The following EPC2 variants were observed in gnomAD, a reference collection of about 807,000 sequenced individuals.
EPC2 encodes enhancer of polycomb homolog 2.
In EPC2, 14 loss-of-function variants were observed where a neutral mutation model predicts 92.1. The observed-to-expected ratio is 0.15, with a 90% CI of 0.10 to 0.24. The LOEUF (loss-of-function observed/expected upper bound fraction) is 0.24. EPC2 is among the 10% of genes least tolerant of loss of function. EPC2 has a pLI of 1.00. For missense variants in EPC2, 755 were observed against 971.5 expected (o/e 0.78, Z 2.96); for synonymous variants, 340 against 334.7 (o/e 1.02, Z -0.17).
intron 6 of EPC2, among the ~76,000 whole-genome samples, chr2:148,764,028 A>C (rs142181733): frequency 2.0e-5 from 3 of 152,154 alleles, no homozygotes; most frequent in African/African-American, 2.4e-5. Flanking sequence ...TTACTTTGTC[A>C]TGTATCCCAC....
intron 3 of EPC2, among the ~76,000 whole-genome samples, chr2:148,751,546 G>A (rs527778392): frequency 2.6e-5 from 4 of 152,180 alleles, no homozygotes; most frequent in African/African-American, 9.6e-5. Flanking sequence ...GAGTTAGGGG[G>A]TCTCAGTATG....
At chr2:148,665,988 T>A (rs1681048371) in intron 1 of EPC2, among the ~76,000 whole-genome samples, 1 of 152,220 alleles carries the variant, frequency 6.6e-6, no homozygotes, top group Non-Finnish European at 1.5e-5. Flanking sequence ...CTAAAGCTGA[T>A]GTGTTTCTTT....
chr2:148,669,738 TA>T (rs1330230448), intron 1 of EPC2, among the ~76,000 whole-genome samples: 1 of 152,220 alleles, frequency 6.6e-6, no homozygotes, highest in African/African-American at 2.4e-5. Flanking sequence ...AATAGTTTGA[TA>T]CCTTTAGGTT....
chr2:148,775,555 A>T (rs1683616024), intron 10 of EPC2, among the ~76,000 whole-genome samples: 1 of 146,094 alleles, frequency 6.8e-6, no homozygotes, highest in Admixed American at 6.9e-5. Context: ...TAATATACAG[A>T]ATAGATACCA....
intron 2 of EPC2, among the ~76,000 whole-genome samples, chr2:148,703,317 T>C (rs1391602298): frequency 6.6e-6 from 1 of 152,106 alleles, no homozygotes; most frequent in African/African-American, 2.4e-5. Context: ...TTTATTAGAT[T>C]ATAGTGCAGT....
intron 1 of EPC2, among the ~76,000 whole-genome samples, chr2:148,655,546 C>G (rs1001621711): frequency 5.3e-5 from 8 of 152,094 alleles, no homozygotes; most frequent in Non-Finnish European, 1.2e-4. Flanking sequence ...GTGAAAAGAT[C>G]TAGGATTTCT....
In EPC2 at chr2:148,769,140, C is replaced by G. The variant is rs755981365; in HGVS notation, c.1141-11C>G. On this transcript the variant is annotated splice_polypyrimidine_tract_variant and intron_variant, in intron 7 of 13. Coordinates refer to ENST00000258484, the MANE Select transcript of EPC2 (RefSeq NM_015630.4). ...TTGATAACTTCTAAATGGAATGCCT[C>G]TTTTGTCTAGGTATTGTCCCCAGTA... The G allele has an allele frequency of 6.3e-7, 1 of 1,599,932 alleles. No individual in the cohort carries two copies. The highest frequency in any genetic ancestry group is 1.1e-5 in the South Asian group (1 of 89,434).
At chr2:148,740,473 A>G (rs1682860934) in intron 2 of EPC2, among the ~76,000 whole-genome samples, 1 of 152,144 alleles carries the variant, frequency 6.6e-6, no homozygotes, top group Admixed American at 6.5e-5. Context: ...TGCTAGTGCA[A>G]GTCTTTGCCC....
chr2:148,730,660 C>T (rs1053271741), intron 2 of EPC2, among the ~76,000 whole-genome samples: 3 of 152,306 alleles, frequency 2.0e-5, no homozygotes, highest in South Asian at 2.1e-4. Flanking sequence ...GTGATACTTA[C>T]ATCAAGGAGG....
At chr2:148,770,001 G>A (rs1683485222) in intron 8 of EPC2, among the ~76,000 whole-genome samples, 1 of 151,864 alleles carries the variant, frequency 6.6e-6, no homozygotes, top group African/African-American at 2.4e-5. Context: ...GAAGGGAATG[G>A]GAAGGCAGGG....
Position 148,783,584 on chromosome 2 carries a change from G to T in EPC2, c.1858-13G>T, listed in dbSNP as rs766241786. 1.3e-6 allele frequency: 2 copies of T among 1,594,648 alleles called. No homozygotes were observed. The highest frequency in any genetic ancestry group is 1.7e-5 in the Admixed American group (1 of 57,302). ...TCTAAAAATTAGAGTGTTTAACTTT[G>T]TTCATTTTATAGGGCTCAAGCACCT... On this transcript the variant is annotated splice_polypyrimidine_tract_variant and intron_variant, in intron 11 of 13. Transcript: ENST00000258484.
At chr2:148,707,406 T>G (rs1682024989) in intron 2 of EPC2, among the ~76,000 whole-genome samples, 1 of 152,090 alleles carries the variant, frequency 6.6e-6, no homozygotes, top group Admixed American at 6.5e-5. Flanking sequence ...ATGGGAGACT[T>G]TAACACCCCA....
At chr2:148,752,547 T>C (rs1459835822) in intron 3 of EPC2, among the ~76,000 whole-genome samples, 1 of 152,156 alleles carries the variant, frequency 6.6e-6, no homozygotes, top group East Asian at 1.9e-4. Flanking sequence ...GCCTCTCAAA[T>C]GTAGTTAAGC....
chr2:148,674,539 A>G (rs1369982899), intron 1 of EPC2, among the ~76,000 whole-genome samples: 1 of 152,182 alleles, frequency 6.6e-6, no homozygotes, highest in Non-Finnish European at 1.5e-5. Context: ...CTCTGGTGCT[A>G]CACAAAGTTG....
intron 2 of EPC2, among the ~76,000 whole-genome samples, chr2:148,695,838 TAAAG>T (rs1681736133): frequency 6.6e-6 from 1 of 152,184 alleles, no homozygotes; most frequent in Non-Finnish European, 1.5e-5. Flanking sequence ...TTCAAATAAA[TAAAG>T]ACTGGTAAAA....
Position 148,783,671 on chromosome 2 carries a change from C to T in EPC2, c.1932C>T (p.Val644=), listed in dbSNP as rs1683801413. 3 of 1,600,850 alleles carry T rather than the reference C, an allele frequency of 1.9e-6. No homozygotes were observed. In the South Asian group the frequency reaches 3.4e-5, roughly 18 times the overall value. Residue 644 remains valine, a synonymous_variant, in exon 12 of 14, where the codon GTC becomes GTT. Coordinates refer to ENST00000258484, the MANE Select transcript of EPC2 (RefSeq NM_015630.4). The part of the protein sequence containing the change: ...ASAHFAASAV[V]SAPVPSRSEV... ...CCCACTTTGCTGCATCTGCAGTGGT[C>T]AGTGCACCTGTTCCAAGTCGCAGTG...
intron 1 of EPC2, among the ~76,000 whole-genome samples, chr2:148,663,193 T>TTTTTTA (rs1559140910): frequency 1.0e-5 from 1 of 98,636 alleles, no homozygotes; most frequent in Admixed American, 1.2e-4. Context: ...ACTGTGTTTT[T>TTTTTTA]GTATTATTAT....
chr2:148,664,504 A>G (rs1450671642), intron 1 of EPC2, among the ~76,000 whole-genome samples: 3 of 152,242 alleles, frequency 2.0e-5, no homozygotes, highest in Admixed American at 6.5e-5. Flanking sequence ...TCTCAAATAA[A>G]TAAACGCAAA....
chr2:148,730,413 A>G (rs1279392705), intron 2 of EPC2, among the ~76,000 whole-genome samples: 4 of 152,244 alleles, frequency 2.6e-5, no homozygotes, highest in Admixed American at 6.5e-5. Flanking sequence ...TGTATTTCAC[A>G]GTTACCACAA....
Sources: allele counts gnomAD v4.1 joint callset (sites outside exome capture counted in the v4.1 genomes callset), GRCh38; gene constraint gnomAD v4.1.1; transcripts MANE v1.5; gene names NCBI Gene and HGNC (gene_info 2026-07-23, HGNC 2026-07-21).